The following COLGALT2 variants were observed in gnomAD, a reference collection of about 807,000 sequenced individuals.
COLGALT2 encodes procollagen galactosyltransferase 2.
Under a neutral mutation model 73.4 loss-of-function variants are expected in COLGALT2, and 49 were observed. That is an observed-to-expected ratio of 0.67 (90% CI 0.53 to 0.85). The LOEUF (loss-of-function observed/expected upper bound fraction) is 0.85, where lower values mean the gene tolerates loss of function less well. Among genes scored for constraint, COLGALT2 ranks in the 40% least tolerant of loss-of-function variants. The pLI is 0.00. For missense variants in COLGALT2, 722 were observed against 790.2 expected, an observed-to-expected ratio of 0.91 and a Z score of 1.03; for synonymous variants, 295 against 307.6, an observed-to-expected ratio of 0.96 and a Z score of 0.43.
At chr1:184,033,306 G>A (rs1182617059) in intron 1 of COLGALT2, among the ~76,000 whole-genome samples, 1 of 152,170 alleles carries the variant, frequency 6.6e-6, no homozygotes, top group Non-Finnish European at 1.5e-5. Flanking sequence ...ACTTGCTCAT[G>A]GTTCCACTGA....
chr1:183,978,585 A>T, intron 1 of COLGALT2, 65 bp from the exon 2 acceptor site: 2 of 985,534 alleles, frequency 2.0e-6, no homozygotes, highest in Admixed American at 4.0e-5. Context: ...GAAATCCAAA[A>T]GACCCCTGAC....
In COLGALT2 at chr1:183,969,263, CAG is replaced by C. The variant is rs777780589; in HGVS notation, c.832+4_832+5del. On this transcript the variant is annotated splice_donor_5th_base_variant and intron_variant, in intron 5 of 11. Coordinates refer to ENST00000361927, the MANE Select transcript of COLGALT2 (RefSeq NM_015101.4). ...TTGTGGCACTACAACCAAAGACAAA[CAG>C]TACCTGCTTGCCTGCTGGAGAAGGC... 89 of 1,602,886 alleles carry C rather than the reference CAG, an allele frequency of 5.6e-5. No individual in the cohort carries two copies. In the East Asian group the frequency reaches 2.0e-3, roughly 36 times the overall value.
At chr1:183,958,443 G>GACACC (rs1351359602) in intron 6 of COLGALT2, among the ~76,000 whole-genome samples, 1 of 152,054 alleles carries the variant, frequency 6.6e-6, no homozygotes, top group Non-Finnish European at 1.5e-5. Flanking sequence ...ATTGGCACTT[G>GACACC]ACACCACCAA....
intron 1 of COLGALT2, among the ~76,000 whole-genome samples, chr1:184,026,269 T>C (rs1649329469): frequency 6.6e-6 from 1 of 152,104 alleles, no homozygotes; most frequent in South Asian, 2.1e-4. Flanking sequence ...GTTATTTTCT[T>C]GGTGGGATGT....
At chr1:183,943,028 C>T (rs1396152129) in intron 10 of COLGALT2, among the ~76,000 whole-genome samples, 2 of 152,230 alleles carry the variant, frequency 1.3e-5, no homozygotes, top group South Asian at 2.1e-4. Flanking sequence ...CGGAGCCATC[C>T]ATTGAGAAAG....
In COLGALT2 at chr1:183,969,178, G is replaced by GT. The variant is rs1393307571; in HGVS notation, c.832+90_832+91insA. The GT allele has an allele frequency of 3.5e-5, 37 of 1,055,454 alleles. No individual in the cohort carries two copies. The African/African-American group carries it at 6.9e-4, about 20-fold the overall frequency. 65.4% of individuals were successfully genotyped at this position (1,055,454 alleles called of 1,614,324 possible). On this transcript the variant is annotated intron_variant, in intron 5 of 11. Coordinates refer to ENST00000361927, the MANE Select transcript of COLGALT2 (RefSeq NM_015101.4). Reference sequence around the variant, plus strand: ...TGCCTCTCACTACCAGACATATGAGGGTTTTTTTTTTTAATAAAATGCACA... The same window carrying GT: ...TGCCTCTCACTACCAGACATATGAGGTGTTTTTTTTTTTAATAAAATGCACA...
At chr1:183,986,815 T>C (rs896404719) in intron 1 of COLGALT2, among the ~76,000 whole-genome samples, 5 of 152,150 alleles carry the variant, frequency 3.3e-5, no homozygotes, top group Non-Finnish European at 7.3e-5. Context: ...TGAGAGGTTA[T>C]GATTTGCTCA....
downstream of COLGALT2, among the ~76,000 whole-genome samples, chr1:183,932,300 AAGAT>A (rs1669864142): frequency 6.6e-6 from 1 of 152,114 alleles, no homozygotes; most frequent in Non-Finnish European, 1.5e-5. Flanking sequence ...CCTTATCTGA[AAGAT>A]AGAGATTAAT....
At chr1:184,036,703 C>T (rs529312923) in intron 1 of COLGALT2, among the ~76,000 whole-genome samples, 63 of 152,346 alleles carry the variant, frequency 4.1e-4, no homozygotes, top group African/African-American at 1.4e-3. Context: ...GCACCCTATC[C>T]CCTCACGTCA....
rs139898691 is a variant in COLGALT2 at position 183,950,604 on chromosome 1, C to T, written c.1136+403G>A. 6.3e-3 allele frequency among the ~76,000 whole-genome samples: 960 copies of T among 152,096 alleles called. 11 individuals are homozygous for T. The highest frequency in any genetic ancestry group is 0.022 in the African/African-American group (918 of 41,486). On this transcript the variant is annotated intron_variant, in intron 8 of 11. Coordinates refer to ENST00000361927, the MANE Select transcript of COLGALT2 (RefSeq NM_015101.4). ...GGCATCTCATGCAACAGGAAATGTA[C>T]ACCTTTATGCATTTTCCATCTATTT...
At chr1:184,001,842 T>G (rs1285254499) in intron 1 of COLGALT2, among the ~76,000 whole-genome samples, 1 of 152,230 alleles carries the variant, frequency 6.6e-6, no homozygotes, top group Non-Finnish European at 1.5e-5. Flanking sequence ...CTGAATCTCA[T>G]AGTCATTATA....
chr1:183,963,897 T>C lies in COLGALT2; in HGVS notation c.952+4A>G. The stretch of plus-strand genomic sequence containing the variant: ...GCCATCCCCTCTGCTCCTGGGTCAC[T>C]CACTCATTGCTTCAATCTGCACATG... On this transcript the variant is annotated splice_donor_region_variant and intron_variant, in intron 6 of 11. Coordinates refer to ENST00000361927, the MANE Select transcript of COLGALT2 (RefSeq NM_015101.4). 6.2e-7 allele frequency: 1 copy of C among 1,600,538 alleles called. No individual in the cohort carries two copies. The highest frequency in any genetic ancestry group is 8.5e-7 in the Non-Finnish European group (1 of 1,172,950).
intron 2 of COLGALT2, among the ~76,000 whole-genome samples, chr1:183,977,852 C>A (rs12751709): frequency 0.59 from 68,094 of 116,010 alleles, 21,897 homozygotes; most frequent in Non-Finnish European, 0.76. Context: ...AGAAGAGAAG[C>A]GAAGAAAAGA....
intron 1 of COLGALT2, among the ~76,000 whole-genome samples, chr1:184,018,267 T>C (rs575140720): frequency 2.6e-5 from 2 of 78,084 alleles, no homozygotes; most frequent in Non-Finnish European, 2.2e-5. Context: ...GAGGCCCTGT[T>C]TCAAAAAGAA....
intron 6 of COLGALT2, 71 bp from the exon 7 acceptor site, chr1:183,954,909 G>T: frequency 1.7e-6 from 2 of 1,160,928 alleles, no homozygotes; most frequent in Non-Finnish European, 2.6e-6. Flanking sequence ...CCATCCGCAT[G>T]CCTGATCTCT....
chr1:183,973,387 G>A (rs1671102467), intron 4 of COLGALT2, among the ~76,000 whole-genome samples: 1 of 152,038 alleles, frequency 6.6e-6, no homozygotes. Context: ...CGTTTCTAAG[G>A]CTAAGCTCTT....
chr1:183,983,078 T>C (rs1318486913), intron 1 of COLGALT2, among the ~76,000 whole-genome samples: 1 of 152,360 alleles, frequency 6.6e-6, no homozygotes, highest in East Asian at 1.9e-4. Context: ...TAAAAACAGA[T>C]GCACAGATTT....
chr1:183,955,588 G>A (rs1394291227), intron 6 of COLGALT2, among the ~76,000 whole-genome samples: 1 of 152,032 alleles, frequency 6.6e-6, no homozygotes, highest in African/African-American at 2.4e-5. Flanking sequence ...CTCTAAAAAA[G>A]CTTCCTTTGC....
chr1:184,018,281 A>G (rs1241997887), intron 1 of COLGALT2, among the ~76,000 whole-genome samples: 1 of 152,162 alleles, frequency 6.6e-6, no homozygotes, highest in Admixed American at 6.5e-5. Context: ...AAAAGAAAAA[A>G]AAAATTATAT....
Sources: allele counts gnomAD v4.1 joint callset (sites outside exome capture counted in the v4.1 genomes callset), GRCh38; gene constraint gnomAD v4.1.1; transcripts MANE v1.5; gene names NCBI Gene and HGNC (gene_info 2026-07-23, HGNC 2026-07-21).